Variants in KCNH8 observed in about 807,000 individuals in gnomAD.
KCNH8 encodes the protein voltage-gated delayed rectifier potassium channel KCNH8.
Under a neutral mutation model 103.6 loss-of-function variants are expected in KCNH8, and 70 were observed. The observed-to-expected ratio is 0.68, with a 90% CI of 0.56 to 0.82. The LOEUF (loss-of-function observed/expected upper bound fraction) is 0.82. Among genes scored for constraint, KCNH8 ranks in the 40% least tolerant of loss-of-function variants. The pLI, the probability that KCNH8 is intolerant of heterozygous loss-of-function variation, is 0.00. For missense variants in KCNH8, 1,217 were observed against 1,329.9 expected, an observed-to-expected ratio of 0.92 and a Z score of 1.32; for synonymous variants, 498 against 489.4, an observed-to-expected ratio of 1.02 and a Z score of -0.23.
At chr3:19,241,711 A>C (rs889557986) in intron 1 of KCNH8, among the ~76,000 whole-genome samples, 2 of 139,794 alleles carry the variant, frequency 1.4e-5, no homozygotes, top group Non-Finnish European at 3.1e-5. Context: ...CAGTTATAAA[A>C]ATACACACAC....
intron 15 of KCNH8, among the ~76,000 whole-genome samples, chr3:19,530,423 T>C (rs188097542): frequency 1.3e-4 from 20 of 152,264 alleles, no homozygotes; most frequent in Admixed American, 5.9e-4. Flanking sequence ...TAAATATGTA[T>C]AATTATTATA....
At chr3:19,161,302 G>C (rs555182362) in intron 1 of KCNH8, among the ~76,000 whole-genome samples, 2 of 152,230 alleles carry the variant, frequency 1.3e-5, no homozygotes, top group East Asian at 3.9e-4. Flanking sequence ...CAGGTAAGGG[G>C]GAATTACTGT....
intron 3 of KCNH8, among the ~76,000 whole-genome samples, chr3:19,329,359 A>G (rs995680093): frequency 6.6e-6 from 1 of 152,202 alleles, no homozygotes; most frequent in Non-Finnish European, 1.5e-5. Context: ...CACACTCAGA[A>G]GGCTTCATCA....
intron 1 of KCNH8, among the ~76,000 whole-genome samples, chr3:19,248,562 C>T (rs57014064): frequency 0.039 from 5,902 of 152,146 alleles, 404 homozygotes; most frequent in African/African-American, 0.13. Context: ...ACAATTTACC[C>T]ATTTCTCCTG....
At chr3:19,184,408 G>GTATC (rs2063483505) in intron 1 of KCNH8, among the ~76,000 whole-genome samples, 2 of 151,964 alleles carry the variant, frequency 1.3e-5, no homozygotes, top group Admixed American at 1.3e-4. Flanking sequence ...ACACAGCTTA[G>GTATC]GATAGTGGAT....
chr3:19,240,102 A>C (rs951865684), intron 1 of KCNH8, among the ~76,000 whole-genome samples: 5 of 152,120 alleles, frequency 3.3e-5, no homozygotes, highest in African/African-American at 1.2e-4. Context: ...AGTTTCATCT[A>C]ATTTCATGAG....
intron 2 of KCNH8, among the ~76,000 whole-genome samples, chr3:19,261,815 T>C (rs2064439782): frequency 6.6e-6 from 1 of 151,882 alleles, no homozygotes; most frequent in African/African-American, 2.4e-5. Flanking sequence ...ATTTTATTCT[T>C]TGGAATGTGG....
At chr3:19,150,032 A>G (rs115720483) in intron 1 of KCNH8, among the ~76,000 whole-genome samples, 273 of 152,300 alleles carry the variant, frequency 1.8e-3, no homozygotes, top group Non-Finnish European at 2.9e-3. Context: ...TTTATTTTTG[A>G]CATCTAGTCT....
At position 19,165,900 on chromosome 3, in the gene KCNH8, T is replaced by C. The variant is rs540555280; in HGVS notation, c.76+17105T>C. On this transcript the variant is annotated intron_variant, in intron 1 of 15. Transcript: ENST00000328405. ...AACTAGGGCATTTCTCCTCCAGATG[T>C]CTCTCCTGAAATGCTGAGCGTGATC... Among the ~76,000 whole-genome samples, 90 of 152,238 alleles carry C rather than the reference T, an allele frequency of 5.9e-4. No homozygotes were observed. In the South Asian group the frequency reaches 9.2e-3, roughly 15 times the overall value.
chr3:19,154,957 A>C lies in KCNH8; in HGVS notation c.76+6162A>C, dbSNP rs761789684. 1.2e-4 allele frequency among the ~76,000 whole-genome samples: 19 copies of C among 152,338 alleles called. No individual in the cohort carries two copies. The South Asian group carries it at 1.7e-3, about 13-fold the overall frequency. Reference sequence around the variant, plus strand: ...ATACAAACATCAAAGATGAGACTTCAACTTCACCTATGACCTAGTTCATAT... The same window carrying C: ...ATACAAACATCAAAGATGAGACTTCCACTTCACCTATGACCTAGTTCATAT... On this transcript the variant is annotated intron_variant, in intron 1 of 15. Coordinates refer to ENST00000328405, the MANE Select transcript of KCNH8 (RefSeq NM_144633.3).
intron 3 of KCNH8, among the ~76,000 whole-genome samples, chr3:19,308,140 C>T (rs2065154132): frequency 6.6e-6 from 1 of 151,826 alleles, no homozygotes; most frequent in African/African-American, 2.4e-5. Flanking sequence ...ATTGAAACAG[C>T]ACTAGGTACT....
chr3:19,313,712 AAAC>A (rs1339060543), intron 3 of KCNH8, among the ~76,000 whole-genome samples: 3 of 151,510 alleles, frequency 2.0e-5, no homozygotes, highest in South Asian at 2.1e-4. Context: ...AAAAAAAAAA[AAAC>A]AACTCAATAA....
At chr3:19,297,291 T>G (rs2065008765) in intron 3 of KCNH8, among the ~76,000 whole-genome samples, 1 of 152,182 alleles carries the variant, frequency 6.6e-6, no homozygotes, top group Non-Finnish European at 1.5e-5. Context: ...ATGGTTAGAG[T>G]GCTATAATAT....
intron 5 of KCNH8, among the ~76,000 whole-genome samples, chr3:19,377,025 A>T (rs537870540): frequency 1.3e-5 from 2 of 152,344 alleles, no homozygotes; most frequent in Admixed American, 6.5e-5. Flanking sequence ...AATGTCCTTT[A>T]TTGTGTATAA....
chr3:19,283,612 G>C (rs1033065070), intron 3 of KCNH8, among the ~76,000 whole-genome samples: 1 of 151,742 alleles, frequency 6.6e-6, no homozygotes, highest in Non-Finnish European at 1.5e-5. Flanking sequence ...TTTTTAGAAA[G>C]ACAGAGTAAC....
chr3:19,215,886 T>A (rs954398379), intron 1 of KCNH8, among the ~76,000 whole-genome samples: 1 of 152,254 alleles, frequency 6.6e-6, no homozygotes, highest in Admixed American at 6.5e-5. Context: ...GCTAATTCTG[T>A]CACATTTTTA....
chr3:19,203,478 C>A (rs2125219393), intron 1 of KCNH8, among the ~76,000 whole-genome samples: 1 of 152,012 alleles, frequency 6.6e-6, no homozygotes. Flanking sequence ...GCTTACCAGA[C>A]AACTCAGAGA....
chr3:19,310,928 C>T (rs2065199685), intron 3 of KCNH8, among the ~76,000 whole-genome samples: 1 of 151,732 alleles, frequency 6.6e-6, no homozygotes, highest in African/African-American at 2.4e-5. Flanking sequence ...GCACTTGTAA[C>T]CCTGTTACAT....
chr3:19,169,255 C>CTTTTTTT (rs768036667), intron 1 of KCNH8, among the ~76,000 whole-genome samples: 39 of 124,952 alleles, frequency 3.1e-4, no homozygotes, highest in African/African-American at 5.7e-4. Flanking sequence ...TTCTTTCTTT[C>CTTTTTTT]TTTTTTTTTT....
Sources: allele counts gnomAD v4.1 joint callset (sites outside exome capture counted in the v4.1 genomes callset), GRCh38; gene constraint gnomAD v4.1.1; transcripts MANE v1.5; gene names NCBI Gene and HGNC (gene_info 2026-07-23, HGNC 2026-07-21).